Variants in FBRSL1 observed in about 807,000 individuals in gnomAD.
The protein encoded by FBRSL1 is fibrosin-1-like protein.
A neutral mutation model predicts 89.6 loss-of-function variants in FBRSL1; 51 were observed. That is an observed-to-expected ratio of 0.57 (90% CI 0.45 to 0.72). The LOEUF is 0.72. Ranked by LOEUF, FBRSL1 falls within the 30% of genes least tolerant of loss-of-function variation. The probability of loss-of-function intolerance (pLI) is 0.00; values close to 1 mark genes in which losing one functional copy is unlikely to be tolerated. For synonymous variants in FBRSL1, 779 were observed against 681.1 expected (o/e 1.14, Z -2.24); for missense variants, 1,618 against 1,451.8 (o/e 1.11, Z -1.86).
chr12:132,520,543 T>A (rs564161142), intron 2 of FBRSL1, among the ~76,000 whole-genome samples: 1 of 152,292 alleles, frequency 6.6e-6, no homozygotes, highest in East Asian at 1.9e-4. Context: ...CAGAGCAGGA[T>A]GCAGTCGCTG....
chr12:132,545,634 T>A (rs1261607548), intron 4 of FBRSL1, among the ~76,000 whole-genome samples: 1 of 152,104 alleles, frequency 6.6e-6, no homozygotes, highest in Non-Finnish European at 1.5e-5. Context: ...GGTCCGGGCT[T>A]GTGGGAGCTG....
chr12:132,537,440 T>C (rs2036856992), intron 4 of FBRSL1, among the ~76,000 whole-genome samples: 1 of 152,154 alleles, frequency 6.6e-6, no homozygotes. Context: ...TGGTGGGTCC[T>C]CCCTGGCCCG....
intron 1 of FBRSL1, 111 bp from the exon 2 acceptor site, chr12:132,508,042 C>T: frequency 9.1e-7 from 1 of 1,103,158 alleles, no homozygotes; most frequent in Non-Finnish European, 1.3e-6. Context: ...CTCTGAGGTG[C>T]CCCTCCCAAG....
chr12:132,557,147 G>C (rs1043057704), intron 5 of FBRSL1, among the ~76,000 whole-genome samples: 1 of 152,192 alleles, frequency 6.6e-6, no homozygotes, highest in African/African-American at 2.4e-5. Context: ...GCCTTCCCAT[G>C]ATGGCACCCC....
chr12:132,576,086 A>G (rs1028821676), intron 14 of FBRSL1, among the ~76,000 whole-genome samples: 4 of 152,236 alleles, frequency 2.6e-5, no homozygotes, highest in African/African-American at 9.6e-5. Context: ...TTGTAGTTTC[A>G]TATAATTTTT....
chr12:132,518,444 A>G (rs1386559013), intron 2 of FBRSL1, among the ~76,000 whole-genome samples: 4 of 134,838 alleles, frequency 3.0e-5, no homozygotes, highest in East Asian at 2.4e-4. Context: ...TCTGTAGTGT[A>G]TCTCATCCAT....
chr12:132,509,395 A>G, intron 2 of FBRSL1: 1 of 1,241,530 alleles, frequency 8.1e-7, no homozygotes, highest in Non-Finnish European at 1.0e-6. Flanking sequence ...CAGCCCTGCC[A>G]GCCCCGGCGG....
Position 132,583,831 on chromosome 12 carries a change from C to T in FBRSL1, c.*53C>T. On this transcript the variant is annotated 3_prime_UTR_variant, in exon 19 of 19. Transcript: ENST00000680143. The stretch of plus-strand genomic sequence containing the variant: ...CGGAGCGCACCGCTGTCCGTCTCTC[C>T]ATCAGTTCCTAGAACTCAAGCACAG... The T allele has an allele frequency of 9.4e-7, 1 of 1,065,138 alleles. No individual in the cohort carries two copies. The highest frequency in any genetic ancestry group is 1.2e-6 in the Non-Finnish European group (1 of 852,710). 66.0% of individuals were successfully genotyped at this position (1,065,138 alleles called of 1,614,324 possible).
chr12:132,542,175 C>T (rs566622590), intron 4 of FBRSL1, among the ~76,000 whole-genome samples: 66 of 152,348 alleles, frequency 4.3e-4, no homozygotes, highest in Admixed American at 2.0e-3. Context: ...AACTGGCACA[C>T]GCAGGACGCG....
chr12:132,559,006 C>A (rs1394720438), intron 5 of FBRSL1, among the ~76,000 whole-genome samples: 1 of 152,266 alleles, frequency 6.6e-6, no homozygotes, highest in Non-Finnish European at 1.5e-5. Flanking sequence ...CAGTTGGTGT[C>A]CTGGTTTTCC....
At position 132,567,467 on chromosome 12, in the gene FBRSL1, TTCTC is replaced by T. The variant is rs1445735725; in HGVS notation, c.646-7_646-4del. The T allele has an allele frequency of 6.4e-7, 1 of 1,550,892 alleles. No individual in the cohort carries two copies. The highest frequency in any genetic ancestry group is 1.4e-5 in the African/African-American group (1 of 73,032). Reference sequence around the variant, plus strand: ...CCACCCTGACTGCCCCTGACCCCCCTTCTCTCTCTCCAGGCATCCGTGGGCTCTG... The same window carrying T: ...CCACCCTGACTGCCCCTGACCCCCCTTCTCTCCAGGCATCCGTGGGCTCTG... On this transcript the variant is annotated splice_polypyrimidine_tract_variant and intron_variant, in intron 5 of 18. Coordinates refer to ENST00000680143, the MANE Select transcript of FBRSL1 (RefSeq NM_001367871.1).
At chr12:132,548,577 C>T (rs1593441261) in intron 5 of FBRSL1, among the ~76,000 whole-genome samples, 1 of 152,240 alleles carries the variant, frequency 6.6e-6, no homozygotes, top group Admixed American at 6.5e-5. Context: ...AGCCACGTCC[C>T]CTCAGCCTCG....
intron 14 of FBRSL1, among the ~76,000 whole-genome samples, chr12:132,576,236 A>T (rs1036424258): frequency 7.3e-6 from 1 of 136,350 alleles, no homozygotes; most frequent in Non-Finnish European, 1.6e-5. Context: ...TCTGTCACCC[A>T]GGCTAGAGTG....
At chr12:132,495,239 A>G (rs2031807045) in intron 1 of FBRSL1, among the ~76,000 whole-genome samples, 1 of 152,234 alleles carries the variant, frequency 6.6e-6, no homozygotes, top group African/African-American at 2.4e-5. Flanking sequence ...CAGAGGGGCC[A>G]GGGTTCCAGG....
intron 2 of FBRSL1, among the ~76,000 whole-genome samples, chr12:132,524,469 C>T (rs1242024270): frequency 6.6e-6 from 1 of 152,266 alleles, no homozygotes; most frequent in Non-Finnish European, 1.5e-5. Context: ...CCTGTTGCTG[C>T]AGGAGGTGCA....
intron 2 of FBRSL1, among the ~76,000 whole-genome samples, chr12:132,518,473 A>ATCCATCCACCCATGTG (rs1566131162): frequency 6.7e-6 from 1 of 148,464 alleles, no homozygotes; most frequent in Non-Finnish European, 1.5e-5. Flanking sequence ...CCGTCTGTCC[A>ATCCATCCACCCATGTG]TCCATCCACC....
intron 5 of FBRSL1, among the ~76,000 whole-genome samples, chr12:132,564,651 ACGCCCGGC>A (rs879536687): frequency 0.095 from 9,808 of 103,014 alleles, 3,556 homozygotes; most frequent in African/African-American, 0.25. Flanking sequence ...GCCCGCCACC[ACGCCCGGC>A]TAATTTTTTG....
chr12:132,510,731 C>T (rs367937442), intron 2 of FBRSL1: 3 of 1,207,822 alleles, frequency 2.5e-6, no homozygotes, highest in African/African-American at 3.1e-5. Context: ...CCTCTCCCCC[C>T]ACTGGCGTCA....
In FBRSL1 at chr12:132,508,185, G is replaced by A. The variant is rs2033914164; in HGVS notation, c.324G>A (p.Lys108=). ...TGGCCCTGAAGCCACATGAGCGGAA[G>A]GAGAAGTGGGAGCGTCGTCTCATCA... ...KDMALKPHER[K]EKWERRLIKK... is the part of the protein sequence containing the mutation. Residue 108 remains lysine, a synonymous_variant, in exon 2 of 19, where the codon AAG becomes AAA. Coordinates refer to ENST00000680143, the MANE Select transcript of FBRSL1 (RefSeq NM_001367871.1). The A allele has an allele frequency of 6.4e-7, 1 of 1,551,248 alleles. No homozygotes were observed. Among genetic ancestry groups the A allele is most frequent in the East Asian group, 2.4e-5 (1 of 40,924 alleles).
Sources: gnomAD v4.1 joint callset for allele counts (sites outside exome capture counted in the v4.1 genomes callset) on GRCh38, gnomAD v4.1.1 for gene constraint, MANE v1.5 for transcripts, NCBI Gene and HGNC (gene_info 2026-07-23, HGNC 2026-07-21) for gene names.